The following SEPTIN12 variants were observed in gnomAD, a reference collection of about 807,000 sequenced individuals.
SEPTIN12 encodes septin-12.
Under a neutral mutation model 37.7 loss-of-function variants are expected in SEPTIN12, and 42 were observed. The observed-to-expected ratio is 1.11, with a 90% confidence interval of 0.87 to 1.44. The LOEUF is 1.44. SEPTIN12 is among the 40% of genes most tolerant of loss of function. The pLI is 0.00. For synonymous variants in SEPTIN12, 254 were observed against 196.7 expected (o/e 1.29, Z -2.44); for missense variants, 613 against 479.2 (o/e 1.28, Z -2.61).
chr16:4,784,199 T>C, intron 4 of SEPTIN12, 131 bp from the exon 5 acceptor site: 1 of 983,352 alleles, frequency 1.0e-6, no homozygotes, highest in South Asian at 1.5e-5. Flanking sequence ...GACCTGTGGG[T>C]CACCCCGGTA....
chr16:4,786,773 A>G (rs917876506), intron 2 of SEPTIN12, among the ~76,000 whole-genome samples: 2 of 152,006 alleles, frequency 1.3e-5, no homozygotes, highest in Non-Finnish European at 1.5e-5. Flanking sequence ...CAGCCCCCCA[A>G]GTAGCTGGGA....
rs1043713083 is a variant in SEPTIN12 at position 4,786,499 on chromosome 16, C to T, written c.167-394G>A. Among the ~76,000 whole-genome samples, 7 of 151,728 alleles carry T rather than the reference C, an allele frequency of 4.6e-5. No homozygotes were observed. In the East Asian group the frequency reaches 5.8e-4, roughly 13 times the overall value. On this transcript the variant is annotated intron_variant, in intron 2 of 9. Transcript: ENST00000268231. ...CCTCCCAAGTAGCTGGGACTACAGGCGCCCGCCACCACGCCTGGCTAATTT... is the reference window on the plus strand; with the variant it reads ...CCTCCCAAGTAGCTGGGACTACAGGTGCCCGCCACCACGCCTGGCTAATTT...
intron 7 of SEPTIN12, 63 bp from the exon 8 acceptor site, chr16:4,779,849 T>A: frequency 2.7e-6 from 3 of 1,120,730 alleles, no homozygotes; most frequent in Non-Finnish European, 2.7e-6. Flanking sequence ...AGAAGAAAAG[T>A]CAAGGCACCC....
chr16:4,789,480 C>A (rs2082516534), upstream of SEPTIN12, among the ~76,000 whole-genome samples: 1 of 151,934 alleles, frequency 6.6e-6, no homozygotes, highest in African/African-American at 2.4e-5. Flanking sequence ...CGCCTGCCAC[C>A]ACGCCCGGCT....
upstream of SEPTIN12, chr16:4,788,380 G>C (rs1432146270): frequency 6.5e-6 from 1 of 152,762 alleles, no homozygotes; most frequent in South Asian, 2.1e-4. Context: ...GTTAACCGAA[G>C]AATCTGAGCT....
intron 7 of SEPTIN12, among the ~76,000 whole-genome samples, chr16:4,780,079 A>T (rs964728218): frequency 1.3e-5 from 2 of 151,936 alleles, no homozygotes; most frequent in Admixed American, 6.6e-5. Flanking sequence ...CCATCTCTGC[A>T]AAAACTAAAA....
In SEPTIN12 at chr16:4,778,242, T is replaced by G. The variant is rs1489862750; in HGVS notation, c.824-105A>C. 2.5e-6 allele frequency: 3 copies of G among 1,189,568 alleles called. No homozygotes were observed. The African/African-American group carries it at 4.5e-5, about 18-fold the overall frequency. The allele number at this position is 1,189,568 out of a possible 1,614,324, so 73.7% of individuals were successfully genotyped here. A position where few individuals can be genotyped will look rare whatever the true frequency, so the allele number is the denominator to read the frequency against. On this transcript the variant is annotated intron_variant, in intron 8 of 9. Transcript: ENST00000268231. ...TTTCCCTTAGCCCTTTTCCCACATT[T>G]CTCTTTACCCTATCCTGCCTTCCCT...
upstream of SEPTIN12, among the ~76,000 whole-genome samples, chr16:4,789,395 G>A (rs1000340856): frequency 3.3e-5 from 5 of 150,646 alleles, no homozygotes; most frequent in African/African-American, 2.4e-5. Context: ...GCATGATCTC[G>A]GCTCACTGTA....
chr16:4,787,333 T>C, intron 2 of SEPTIN12, 147 bp downstream of exon 2: 3 of 768,902 alleles, frequency 3.9e-6, no homozygotes, highest in Non-Finnish European at 6.7e-6. Context: ...TTTCTCAAAT[T>C]TTCAATGACA....
At position 4,785,815 on chromosome 16, in the gene SEPTIN12, A is replaced by G. The variant is rs1567569462; in HGVS notation, c.366T>C (p.Asn122=). 6.2e-7 allele frequency: 1 copy of G among 1,605,898 alleles called. No homozygotes were observed. Among genetic ancestry groups the G allele is most frequent in the Non-Finnish European group, 8.5e-7 (1 of 1,174,742 alleles). The part of the protein sequence containing the change: ...DTPGFGDQIN[N]DNCWDPILGY... ...AAAGAGAGAGAACCTACCAGTTGTCATTGTTGATCTGGTCCCCGAAGCCGG... is the reference window on the plus strand; with the variant it reads ...AAAGAGAGAGAACCTACCAGTTGTCGTTGTTGATCTGGTCCCCGAAGCCGG... The change falls in exon 4 of 10, where the codon AAT becomes AAC. Residue 122 remains asparagine (N), a synonymous_variant. Transcript: ENST00000268231.
At chr16:4,786,421 C>G (rs920218754) in intron 2 of SEPTIN12, among the ~76,000 whole-genome samples, 4 of 148,248 alleles carry the variant, frequency 2.7e-5, no homozygotes, top group Non-Finnish European at 5.9e-5. Flanking sequence ...ATGGTGGGAT[C>G]TCGGTTCACT....
chr16:4,791,626 C>T (rs905270715), upstream of SEPTIN12, among the ~76,000 whole-genome samples: 1 of 152,162 alleles, frequency 6.6e-6, no homozygotes, highest in Non-Finnish European at 1.5e-5. Context: ...GGAACCACTC[C>T]CTGCCACAGC....
chr16:4,782,238 C>T (rs1398271690), intron 7 of SEPTIN12, among the ~76,000 whole-genome samples: 1 of 152,184 alleles, frequency 6.6e-6, no homozygotes, highest in African/African-American at 2.4e-5. Flanking sequence ...GCATGAGCCA[C>T]TGAGCCCAGC....
Position 4,783,669 on chromosome 16 carries a change from G to T in SEPTIN12, c.610C>A (p.Arg204=), listed in dbSNP as rs61734736. The T allele has an allele frequency of 1.2e-6, 2 of 1,613,960 alleles. 1 individual carries two copies. The highest frequency in any genetic ancestry group is 3.3e-4 in the Middle Eastern group (2 of 6,062). ...ARADSLTMEE[R]EAFRRRIQQN... The stretch of plus-strand genomic sequence containing the variant: ...ATCACCCTGCGCCTGAAGGCCTCTC[G>T]CTCCTCCATGGTCAGGCTGTCGGCC... Residue 204 remains arginine (R), a synonymous_variant, in exon 6 of 10, where the codon CGA becomes AGA. Coordinates refer to ENST00000268231, the MANE Select transcript of SEPTIN12 (RefSeq NM_144605.5).
At chr16:4,788,513 G>C (rs2082496966), upstream of SEPTIN12, 1 of 152,150 alleles carries the variant, frequency 6.6e-6, no homozygotes. Context: ...GTAGAACCAG[G>C]GGCCCAAGGC....
At chr16:4,784,589 G>GGGAAACGCCAACTCTACAAAAAATACAT (rs2082413240) in intron 4 of SEPTIN12, among the ~76,000 whole-genome samples, 4 of 149,440 alleles carry the variant, frequency 2.7e-5, no homozygotes, top group African/African-American at 9.8e-5. Context: ...GGGCAACATG[G>GGGAAACGCCAACTCTACAAAAAATACAT]GGAAACGCCA....
intron 8 of SEPTIN12, 45 bp downstream of exon 8, chr16:4,779,645 C>G: frequency 7.9e-7 from 1 of 1,261,992 alleles, no homozygotes; most frequent in South Asian, 1.2e-5. Context: ...GCTCTGGTTT[C>G]CAAACTGACC....
chr16:4,778,241 T>G, intron 8 of SEPTIN12, 104 bp from the exon 9 acceptor site: 2 of 1,204,652 alleles, frequency 1.7e-6, no homozygotes, highest in East Asian at 2.4e-5. Context: ...TTTCCCACAT[T>G]TCTCTTTACC....
At chr16:4,778,859 A>G (rs750921731) in intron 8 of SEPTIN12, among the ~76,000 whole-genome samples, 24 of 139,848 alleles carry the variant, frequency 1.7e-4, no homozygotes, top group Non-Finnish European at 4.7e-5. Context: ...ACATCACCTG[A>G]CCGGGCGCGG....
Sources: allele counts gnomAD v4.1 joint callset (sites outside exome capture counted in the v4.1 genomes callset), GRCh38; gene constraint gnomAD v4.1.1; transcripts MANE v1.5; gene names NCBI Gene and HGNC (gene_info 2026-07-23, HGNC 2026-07-21).